The following ARB2A variants were observed in gnomAD, a reference collection of about 807,000 sequenced individuals.
ARB2A encodes the protein cotranscriptional regulator ARB2A.
At chr5:93,690,586 T>C in the ARB2A span, among the ~76,000 whole-genome samples, 4 of 152,116 alleles carry the variant, frequency 2.6e-5, no homozygotes, top group African/African-American at 9.7e-5. Flanking sequence ...CCCATCTCCC[T>C]GGGACATAGC....
At chr5:93,860,659 T>C in the ARB2A span, 1 of 132,092 alleles carries the variant, frequency 7.6e-6, no homozygotes, top group Non-Finnish European at 1.7e-5. Context: ...CTTTTTTTTT[T>C]TCTTTTTTTG....
chr5:93,823,259 A>G, the ARB2A span, among the ~76,000 whole-genome samples: 1 of 152,230 alleles, frequency 6.6e-6, no homozygotes, highest in Non-Finnish European at 1.5e-5. Context: ...CTGGCCCATG[A>G]TTGTGATATT....
At chr5:93,633,482 T>C in the ARB2A span, among the ~76,000 whole-genome samples, 35 of 152,210 alleles carry the variant, frequency 2.3e-4, no homozygotes, top group Non-Finnish European at 4.6e-4. Flanking sequence ...AGCCTCCTTT[T>C]CTAGGTTTAT....
At chr5:94,059,033 C>T in the ARB2A span, among the ~76,000 whole-genome samples, 1 of 152,088 alleles carries the variant, frequency 6.6e-6, no homozygotes, top group South Asian at 2.1e-4. Flanking sequence ...AGACCCTCAC[C>T]AGAAGGAGAC....
the ARB2A span, among the ~76,000 whole-genome samples, chr5:93,890,997 C>A: frequency 6.6e-6 from 1 of 152,060 alleles, no homozygotes. Flanking sequence ...ACCCTTGTCC[C>A]CTTCTCATTT....
At chr5:93,704,342 G>A in the ARB2A span, among the ~76,000 whole-genome samples, 3 of 152,134 alleles carry the variant, frequency 2.0e-5, no homozygotes, top group Non-Finnish European at 2.9e-5. Flanking sequence ...AGGCTGAGGC[G>A]GGAGGATCAC....
chr5:93,929,518 AT>A, the ARB2A span, among the ~76,000 whole-genome samples: 4 of 152,192 alleles, frequency 2.6e-5, no homozygotes, highest in African/African-American at 9.6e-5. Context: ...AAGTATAATT[AT>A]TGGCTTATTC....
At chr5:93,850,423 T>A in the ARB2A span, among the ~76,000 whole-genome samples, 14 of 152,180 alleles carry the variant, frequency 9.2e-5, no homozygotes, top group African/African-American at 3.1e-4. Context: ...TGCAGGTATG[T>A]ACAGGGTGGA....
At chr5:94,007,496 G>C in the ARB2A span, among the ~76,000 whole-genome samples, 27 of 152,084 alleles carry the variant, frequency 1.8e-4, no homozygotes, top group African/African-American at 6.3e-4. Context: ...CACAAAACTG[G>C]GTGCGGTGGC....
the ARB2A span, among the ~76,000 whole-genome samples, chr5:93,624,047 G>C: frequency 6.6e-6 from 1 of 152,160 alleles, no homozygotes; most frequent in Non-Finnish European, 1.5e-5. Context: ...ACAATGTTCA[G>C]TGAATGGAAA....
the ARB2A span, among the ~76,000 whole-genome samples, chr5:93,934,667 C>A: frequency 3.9e-5 from 6 of 152,090 alleles, no homozygotes; most frequent in African/African-American, 1.2e-4. Flanking sequence ...AAAGACAGCC[C>A]CTCTTTTAAT....
chr5:93,748,125 A>G, the ARB2A span, among the ~76,000 whole-genome samples: 1 of 152,200 alleles, frequency 6.6e-6, no homozygotes, highest in Non-Finnish European at 1.5e-5. Flanking sequence ...CATGTAGATG[A>G]AACATAAGGA....
chr5:93,746,544 G>A, the ARB2A span, among the ~76,000 whole-genome samples: 220 of 152,224 alleles, frequency 1.4e-3, no homozygotes, highest in African/African-American at 4.8e-3. Context: ...GTTCTTTTTA[G>A]TATATTAAAA....
chr5:93,659,164 T>C, the ARB2A span, among the ~76,000 whole-genome samples: 1 of 152,130 alleles, frequency 6.6e-6, no homozygotes, highest in African/African-American at 2.4e-5. Context: ...TTCAACTACC[T>C]TTAGCTCCAT....
the ARB2A span, among the ~76,000 whole-genome samples, chr5:93,858,190 AC>A: frequency 2.6e-5 from 4 of 152,230 alleles, no homozygotes; most frequent in East Asian, 7.7e-4. Context: ...AAAGTTGTGT[AC>A]CAGGGAAGCT....
chr5:93,625,123 G>A, the ARB2A span, among the ~76,000 whole-genome samples: 2 of 152,136 alleles, frequency 1.3e-5, no homozygotes, highest in African/African-American at 4.8e-5. Context: ...TCCATGCATA[G>A]GACCAAGTAT....
the ARB2A span, among the ~76,000 whole-genome samples, chr5:93,699,897 G>A: frequency 2.0e-5 from 3 of 151,546 alleles, no homozygotes; most frequent in East Asian, 1.9e-4. Context: ...AGTGGGCTAC[G>A]GAGCCTTGCA....
chr5:93,927,769 T>G, the ARB2A span, among the ~76,000 whole-genome samples: 1 of 152,134 alleles, frequency 6.6e-6, no homozygotes, highest in Non-Finnish European at 1.5e-5. Context: ...TGCAGTAATT[T>G]GATACCCTAG....
At chr5:94,068,387 C>A in the ARB2A span, among the ~76,000 whole-genome samples, 1 of 152,130 alleles carries the variant, frequency 6.6e-6, no homozygotes, top group South Asian at 2.1e-4. Context: ...GGCAGGTCTG[C>A]GAAGGTGGCA....
Sources: allele counts gnomAD v4.1 joint callset (sites outside exome capture counted in the v4.1 genomes callset), GRCh38; gene constraint gnomAD v4.1.1; transcripts MANE v1.5; gene names NCBI Gene and HGNC (gene_info 2026-07-23, HGNC 2026-07-21).